MCM9: variants seen among roughly 807,000 people sequenced by gnomAD.
MCM9 encodes the protein DNA helicase MCM9.
MCM9 carries 55 observed loss-of-function variants against 72.8 expected under a neutral mutation model. That is an observed-to-expected ratio of 0.76 (90% CI 0.61 to 0.95). MCM9 has a LOEUF of 0.95. MCM9 is among the 40% of genes least tolerant of loss of function. The pLI is 0.00. For missense variants in MCM9, 1,279 were observed against 1,377.0 expected (o/e 0.93, Z 1.13); for synonymous variants, 480 against 503.4 (o/e 0.95, Z 0.62).
chr6:118,915,068 C>T (rs1300214232), intron 6 of MCM9, among the ~76,000 whole-genome samples: 1 of 152,166 alleles, frequency 6.6e-6, no homozygotes, highest in Non-Finnish European at 1.5e-5. Flanking sequence ...ATTATTTGTG[C>T]ATCTTTCTGA....
At chr6:118,824,345 C>CTTTTTTTTTTTTTTTT (rs781078527) in intron 13 of MCM9, among the ~76,000 whole-genome samples, 8 of 148,838 alleles carry the variant, frequency 5.4e-5, no homozygotes, top group African/African-American at 1.8e-4. Flanking sequence ...TTTAGTCTTT[C>CTTTTTTTTTTTTTTTT]TTTTTTTTTC....
intron 8 of MCM9, among the ~76,000 whole-genome samples, chr6:118,904,900 C>T (rs1331802271): frequency 6.6e-6 from 1 of 152,164 alleles, no homozygotes; most frequent in African/African-American, 2.4e-5. Flanking sequence ...TGCAGTAGTG[C>T]GATCTCAGCT....
Position 118,883,672 on chromosome 6 carries a change from G to A in MCM9, c.1151-27127C>T, listed in dbSNP as rs553844663. Among the ~76,000 whole-genome samples the A allele has an allele frequency of 2.0e-5, 3 of 151,824 alleles. No individual in the cohort carries two copies. In the East Asian group the frequency reaches 5.8e-4, roughly 29 times the overall value. Reference sequence around the variant, plus strand: ...GAAACAGTGGAGGCCAGAGGCAGTGGGATTACATATTCAAAGTGCTGAAAG... The same window carrying A: ...GAAACAGTGGAGGCCAGAGGCAGTGAGATTACATATTCAAAGTGCTGAAAG... On this transcript the variant is annotated intron_variant, in intron 8 of 13. Transcript: ENST00000619706.
chr6:118,833,626 A>G (rs949376594), intron 9 of MCM9, among the ~76,000 whole-genome samples: 8 of 152,234 alleles, frequency 5.3e-5, no homozygotes, highest in Admixed American at 3.3e-4. Flanking sequence ...GCAAACACAT[A>G]CTACAACATG....
intron 9 of MCM9, among the ~76,000 whole-genome samples, chr6:118,853,280 G>A (rs762736577): frequency 6.6e-6 from 1 of 152,140 alleles, no homozygotes; most frequent in Non-Finnish European, 1.5e-5. Context: ...CCATTGAAGA[G>A]TCTATCCAAT....
chr6:118,884,082 G>C (rs1313010376), intron 8 of MCM9, among the ~76,000 whole-genome samples: 2 of 152,186 alleles, frequency 1.3e-5, no homozygotes, highest in Non-Finnish European at 2.9e-5. Flanking sequence ...AGCTATATTG[G>C]ATTAAGGAAA....
Position 118,844,960 on chromosome 6 carries a change from G to A in MCM9, c.1325+11411C>T, listed in dbSNP as rs1775757065. Among the ~76,000 whole-genome samples, 2 of 151,532 alleles carry A rather than the reference G, an allele frequency of 1.3e-5. 1 individual carries two copies. Among genetic ancestry groups the A allele is most frequent in the Admixed American group, 1.3e-4 (2 of 15,212 alleles). On this transcript the variant is annotated intron_variant, in intron 9 of 13. Coordinates refer to ENST00000619706, the MANE Select transcript of MCM9 (RefSeq NM_017696.3). ...AGCACATAACCCCACAATTCCTTCTGTGTAAACAGCCATACAGGAACAGCT... is the reference window on the plus strand; with the variant it reads ...AGCACATAACCCCACAATTCCTTCTATGTAAACAGCCATACAGGAACAGCT...
chr6:118,887,992 G>A (rs919086375), intron 8 of MCM9, among the ~76,000 whole-genome samples: 2 of 152,104 alleles, frequency 1.3e-5, no homozygotes, highest in African/African-American at 2.4e-5. Flanking sequence ...GTTCTCCACA[G>A]AAGATATACA....
intron 8 of MCM9, among the ~76,000 whole-genome samples, chr6:118,871,629 AAAG>A (rs1777597201): frequency 6.6e-6 from 1 of 152,242 alleles, no homozygotes; most frequent in African/African-American, 2.4e-5. Flanking sequence ...CATCAAAAAT[AAAG>A]AAGGCCAGGC....
intron 8 of MCM9, among the ~76,000 whole-genome samples, chr6:118,868,626 A>T (rs562304550): frequency 2.0e-5 from 3 of 152,376 alleles, no homozygotes; most frequent in South Asian, 2.1e-4. Flanking sequence ...GACACTTCTC[A>T]AAAGAAGACA....
chr6:118,838,248 C>T (rs1005770429), intron 9 of MCM9, among the ~76,000 whole-genome samples: 2 of 148,694 alleles, frequency 1.3e-5, no homozygotes, highest in Non-Finnish European at 3.0e-5. Context: ...CTTCAAGCTT[C>T]GCCTCCCAGG....
At chr6:118,878,326 C>T (rs1413987982) in intron 8 of MCM9, among the ~76,000 whole-genome samples, 1 of 151,828 alleles carries the variant, frequency 6.6e-6, no homozygotes, top group Non-Finnish European at 1.5e-5. Flanking sequence ...ATAAGAAATA[C>T]TACAGGAGTC....
At chr6:118,876,002 T>C (rs1777910252) in intron 8 of MCM9, among the ~76,000 whole-genome samples, 1 of 152,170 alleles carries the variant, frequency 6.6e-6, no homozygotes, top group Non-Finnish European at 1.5e-5. Flanking sequence ...AGTAGGTAAA[T>C]GGATAAACTG....
At chr6:118,883,257 T>G (rs1488271747) in intron 8 of MCM9, among the ~76,000 whole-genome samples, 1 of 151,578 alleles carries the variant, frequency 6.6e-6, no homozygotes, top group Non-Finnish European at 1.5e-5. Context: ...TCAGCAAACT[T>G]TAAGAGAGAT....
intron 8 of MCM9, chr6:118,901,163 A>G (rs1779776654): frequency 4.3e-6 from 1 of 230,444 alleles, no homozygotes; most frequent in African/African-American, 2.3e-5. Flanking sequence ...AGGGTGGTGA[A>G]TTTGGGGCTC....
At chr6:118,894,096 C>T in intron 8 of MCM9, 2 of 1,136,162 alleles carry the variant, frequency 1.8e-6, no homozygotes, top group Non-Finnish European at 2.2e-6. Context: ...GAGTCCATTC[C>T]GGGAGCGGGA....
intron 8 of MCM9, among the ~76,000 whole-genome samples, chr6:118,857,573 C>CGTTAAG (rs1411201756): frequency 1.5e-5 from 2 of 134,258 alleles, no homozygotes; most frequent in Non-Finnish European, 3.0e-5. Flanking sequence ...AACATGAGTA[C>CGTTAAG]GTTAAGAATA....
chr6:118,900,967 C>A, intron 8 of MCM9: 1 of 969,044 alleles, frequency 1.0e-6, no homozygotes, highest in Non-Finnish European at 1.6e-6. Context: ...TTATCCCTTT[C>A]CTTTTGGGTT....
chr6:118,846,614 G>A (rs1775885496), intron 9 of MCM9, among the ~76,000 whole-genome samples: 1 of 151,774 alleles, frequency 6.6e-6, no homozygotes, highest in Non-Finnish European at 1.5e-5. Context: ...CCGGCAAGGG[G>A]CAAGAGTCGC....
Sources: allele counts gnomAD v4.1 joint callset (sites outside exome capture counted in the v4.1 genomes callset), GRCh38; gene constraint gnomAD v4.1.1; transcripts MANE v1.5; gene names NCBI Gene and HGNC (gene_info 2026-07-23, HGNC 2026-07-21).